SELENOF: variants seen among roughly 807,000 people sequenced by gnomAD.
The protein encoded by SELENOF is selenoprotein F, also known as 15 kDa selenoprotein.
In SELENOF, 16 loss-of-function variants were observed where a neutral mutation model predicts 20.5. The ratio of observed to expected loss-of-function variants is 0.78; its 90% CI spans 0.53 to 1.19. SELENOF has a LOEUF of 1.19. Among genes scored for constraint, SELENOF ranks in the 50% most tolerant of loss-of-function variants. The pLI is 0.00. For synonymous variants in SELENOF, 78 were observed against 74.5 expected, an observed-to-expected ratio of 1.05 and a Z score of -0.24; for missense variants, 215 against 194.2, an observed-to-expected ratio of 1.11 and a Z score of -0.64.
chr1:86,864,013 G>C (rs1230405991), intron 4 of SELENOF, among the ~76,000 whole-genome samples: 3 of 152,146 alleles, frequency 2.0e-5, no homozygotes, highest in Non-Finnish European at 2.9e-5. Context: ...CAGTTTATTG[G>C]GGATTTGAGC....
At chr1:86,886,539 C>A (rs1330005544) in intron 2 of SELENOF, among the ~76,000 whole-genome samples, 1 of 151,664 alleles carries the variant, frequency 6.6e-6, no homozygotes, top group Non-Finnish European at 1.5e-5. Flanking sequence ...AGCAATTCCA[C>A]AGTACCAACA....
chr1:86,914,270 A>G (rs1274606775), upstream of SELENOF: 4 of 657,572 alleles, frequency 6.1e-6, no homozygotes, highest in South Asian at 1.8e-5. Context: ...AAAGTCATCA[A>G]ATACAATCAC....
intron 1 of SELENOF, among the ~76,000 whole-genome samples, chr1:86,909,213 G>A (rs768550368): frequency 5.3e-5 from 8 of 152,144 alleles, no homozygotes; most frequent in African/African-American, 9.7e-5. Flanking sequence ...TGGGCTAACT[G>A]TGACATATGC....
At position 86,886,320 on chromosome 1, in the gene SELENOF, G is replaced by A. The variant is rs192347655; in HGVS notation, c.253-5595C>T. Among the ~76,000 whole-genome samples the A allele has an allele frequency of 5.9e-3, 900 of 152,104 alleles. 4 individuals are homozygous for A. The highest frequency in any genetic ancestry group is 9.8e-3 in the Non-Finnish European group (669 of 67,956). ...TGCCTTATACTATGTTATATTAATA[G>A]GGCAAAAATTGCAAAATGGTAAAAC... On this transcript the variant is annotated intron_variant, in intron 2 of 4. Transcript: ENST00000331835.
intron 2 of SELENOF, among the ~76,000 whole-genome samples, chr1:86,902,445 T>A (rs770255864): frequency 6.6e-6 from 1 of 152,140 alleles, no homozygotes; most frequent in Admixed American, 6.6e-5. Flanking sequence ...TTACTACCAA[T>A]AATAATAACA....
At chr1:86,898,532 T>C (rs1204181465) in intron 2 of SELENOF, among the ~76,000 whole-genome samples, 1 of 151,946 alleles carries the variant, frequency 6.6e-6, no homozygotes, top group Non-Finnish European at 1.5e-5. Context: ...TTTTTTATTA[T>C]GTACAAATAG....
chr1:86,886,197 G>C (rs1274660213), intron 2 of SELENOF, among the ~76,000 whole-genome samples: 2 of 152,060 alleles, frequency 1.3e-5, no homozygotes, highest in Admixed American at 1.3e-4. Flanking sequence ...ACCTACCCCA[G>C]ATAAACTAAA....
At chr1:86,882,553 T>C (rs1466127838) in intron 2 of SELENOF, among the ~76,000 whole-genome samples, 2 of 150,428 alleles carry the variant, frequency 1.3e-5, no homozygotes, top group African/African-American at 2.4e-5. Context: ...TACACTGCTG[T>C]TGGGAATGAG....
intron 2 of SELENOF, among the ~76,000 whole-genome samples, chr1:86,894,089 T>C (rs965237048): frequency 7.2e-5 from 11 of 152,050 alleles, no homozygotes; most frequent in South Asian, 2.1e-4. Flanking sequence ...TTTGGTGATC[T>C]GCAGCCTATG....
upstream of SELENOF, chr1:86,914,150 C>T: frequency 6.3e-7 from 1 of 1,585,088 alleles, no homozygotes; most frequent in Non-Finnish European, 8.7e-7. Flanking sequence ...GACCCCTAAG[C>T]TAGGGGCGTC....
In SELENOF at chr1:86,863,620, G is replaced by C; in HGVS notation, c.367-15C>G. The C allele has an allele frequency of 6.2e-7, 1 of 1,609,032 alleles. No homozygotes were observed. Among genetic ancestry groups the C allele is most frequent in the Non-Finnish European group, 8.5e-7 (1 of 1,176,860 alleles). Reference sequence around the variant, plus strand: ...CCACGGACATACTACAAAAAAGAGGGACGTCATCATTACTTTCTGTTCAGA... The same window carrying C: ...CCACGGACATACTACAAAAAAGAGGCACGTCATCATTACTTTCTGTTCAGA... On this transcript the variant is annotated splice_polypyrimidine_tract_variant and intron_variant, in intron 4 of 4. Transcript: ENST00000331835.
chr1:86,898,573 T>G (rs896207971), intron 2 of SELENOF, among the ~76,000 whole-genome samples: 69 of 146,410 alleles, frequency 4.7e-4, no homozygotes, highest in African/African-American at 1.7e-3. Flanking sequence ...TCTGACTTTC[T>G]CTTCTTCTTT....
At chr1:86,887,262 T>C (rs1570390060) in intron 2 of SELENOF, 2 of 1,490,028 alleles carry the variant, frequency 1.3e-6, no homozygotes, top group East Asian at 2.5e-5. Flanking sequence ...AATATAATTC[T>C]CCAATACTAT....
At chr1:86,865,265 A>G (rs1658563845) in intron 4 of SELENOF, among the ~76,000 whole-genome samples, 1 of 152,226 alleles carries the variant, frequency 6.6e-6, no homozygotes, top group Non-Finnish European at 1.5e-5. Context: ...AAGTAGGCAA[A>G]AAAACAAAAA....
intron 3 of SELENOF, among the ~76,000 whole-genome samples, chr1:86,869,995 G>C (rs1412866472): frequency 6.6e-6 from 1 of 152,042 alleles, no homozygotes; most frequent in African/African-American, 2.4e-5. Context: ...GGATGGTCTC[G>C]ATCTCCTGAC....
At position 86,863,460 on chromosome 1, in the gene SELENOF, A is replaced by C; in HGVS notation, c.*14T>G. On this transcript the variant is annotated 3_prime_UTR_variant, in exon 5 of 5. Coordinates refer to ENST00000331835, the MANE Select transcript of SELENOF (RefSeq NM_004261.5). The stretch of plus-strand genomic sequence containing the variant: ...ATAAGGTAACAAAAGGATAGGACAA[A>C]ATTTAAGCAAGATTTATATGCGTTC... 6.2e-7 allele frequency: 1 copy of C among 1,606,514 alleles called. No homozygotes were observed.
rs1658507769 is a variant in SELENOF at position 86,863,338 on chromosome 1, C to T, written c.*136G>A. The T allele has an allele frequency of 4.1e-6, 3 of 733,106 alleles. No homozygotes were observed. Among genetic ancestry groups the T allele is most frequent in the Non-Finnish European group, 4.2e-6 (2 of 472,194 alleles). The allele number at this position is 733,106 out of a possible 1,614,324, so 45.4% of individuals were successfully genotyped here. A position where few individuals can be genotyped will look rare whatever the true frequency, so the allele number is the denominator to read the frequency against. ...GATATCATGGACTATACTGCCATTT[C>T]ACGATTTAATTAGATATTTAATGCC... On this transcript the variant is annotated 3_prime_UTR_variant, in exon 5 of 5. Transcript: ENST00000331835.
rs1658515092 is a variant in SELENOF, at chr1:86,863,579, T to TA, written c.392dup (p.Leu131PhefsTer?). ...TGTTCCCATTGTCGTCCAAAAGCTT[T>TA]AATACAGGGTCTGAACCACGGACAT... On this transcript the variant is annotated frameshift_variant, in exon 5 of 5. Coordinates refer to ENST00000331835, the MANE Select transcript of SELENOF (RefSeq NM_004261.5). LOFTEE classifies it high-confidence loss of function. 3 of 1,613,662 alleles carry TA rather than the reference T, an allele frequency of 1.9e-6. No individual in the cohort carries two copies. The highest frequency in any genetic ancestry group is 2.5e-6 in the Non-Finnish European group (3 of 1,179,774).
intron 3 of SELENOF, among the ~76,000 whole-genome samples, chr1:86,871,115 T>C (rs974325072): frequency 1.3e-5 from 2 of 152,190 alleles, no homozygotes; most frequent in Non-Finnish European, 2.9e-5. Flanking sequence ...AGGCAGTAAA[T>C]AAATCTTTTA....
Sources: gnomAD v4.1 joint callset for allele counts (sites outside exome capture counted in the v4.1 genomes callset) on GRCh38, gnomAD v4.1.1 for gene constraint, MANE v1.5 for transcripts, NCBI Gene and HGNC (gene_info 2026-07-23, HGNC 2026-07-21) for gene names.